The following TAFA4 variants were observed in gnomAD, a reference collection of about 807,000 sequenced individuals.
TAFA4 encodes the protein chemokine-like protein TAFA-4.
In TAFA4, 20 loss-of-function variants were observed where a neutral mutation model predicts 21.1. The observed-to-expected ratio is 0.95, with a 90% CI of 0.67 to 1.38. The LOEUF (loss-of-function observed/expected upper bound fraction) is 1.38, where lower values mean the gene tolerates loss of function less well. Among genes scored for constraint, TAFA4 ranks in the 40% most tolerant of loss-of-function variants. The pLI is 0.00. For missense variants in TAFA4, 211 were observed against 180.9 expected, an observed-to-expected ratio of 1.17 and a Z score of -0.95; for synonymous variants, 71 against 67.4, an observed-to-expected ratio of 1.05 and a Z score of -0.26.
At chr3:68,892,553 CTG>C (rs1334084936) in intron 1 of TAFA4, among the ~76,000 whole-genome samples, 1 of 152,160 alleles carries the variant, frequency 6.6e-6, no homozygotes, top group Admixed American at 6.5e-5. Context: ...TGTAACAAAA[CTG>C]TACATATGCC....
In TAFA4 at chr3:68,885,279, C is replaced by G; in HGVS notation, c.-91G>C. On this transcript the variant is annotated 5_prime_UTR_variant, in exon 2 of 6. Coordinates refer to ENST00000295569, the MANE Select transcript of TAFA4 (RefSeq NM_182522.5). ...CTGTTGCTAGAACCAATCATTTCTG[C>G]CGTTCCAAAAAATTATCGTAGCTCA... 1 of 1,306,426 alleles carries G rather than the reference C, an allele frequency of 7.7e-7. No homozygotes were observed. The highest frequency in any genetic ancestry group is 1.1e-6 in the Non-Finnish European group (1 of 936,864). 80.9% of individuals were successfully genotyped at this position (1,306,426 alleles called of 1,614,324 possible).
intron 3 of TAFA4, among the ~76,000 whole-genome samples, chr3:68,796,221 G>A (rs182286032): frequency 3.9e-5 from 6 of 152,214 alleles, no homozygotes; most frequent in African/African-American, 1.4e-4. Context: ...ATATAACAAT[G>A]ATTAGGAAAT....
At chr3:68,841,596 T>C (rs1704667310) in intron 3 of TAFA4, among the ~76,000 whole-genome samples, 1 of 151,996 alleles carries the variant, frequency 6.6e-6, no homozygotes, top group Non-Finnish European at 1.5e-5. Flanking sequence ...CTGGGATGCA[T>C]GTGCGATCTG....
At chr3:68,820,860 T>C (rs1329897644) in intron 3 of TAFA4, among the ~76,000 whole-genome samples, 1 of 152,118 alleles carries the variant, frequency 6.6e-6, no homozygotes, top group East Asian at 1.9e-4. Context: ...ATTATTAAAG[T>C]CTCATGTTAT....
At position 68,810,880 on chromosome 3, in the gene TAFA4, T is replaced by G. The variant is rs552207093; in HGVS notation, c.131-57862A>C. Among the ~76,000 whole-genome samples, 4 of 152,304 alleles carry G rather than the reference T, an allele frequency of 2.6e-5. No individual in the cohort carries two copies. In the East Asian group the frequency reaches 7.8e-4, roughly 30 times the overall value. On this transcript the variant is annotated intron_variant, in intron 3 of 5. Coordinates refer to ENST00000295569, the MANE Select transcript of TAFA4 (RefSeq NM_182522.5). ...AGAACGGACAGACTGCAACCTCAAG[T>G]GGGTCCCTAATCCCCGAGTAGCCTA... is the stretch of plus-strand genomic sequence containing the variant.
intron 3 of TAFA4, among the ~76,000 whole-genome samples, chr3:68,785,172 G>C (rs575031234): frequency 1.7e-4 from 26 of 152,228 alleles, no homozygotes; most frequent in African/African-American, 5.5e-4. Flanking sequence ...ACAGAGTGCC[G>C]ATTGATGTAT....
intron 3 of TAFA4, among the ~76,000 whole-genome samples, chr3:68,770,171 T>C (rs1702926568): frequency 6.6e-6 from 1 of 152,266 alleles, no homozygotes; most frequent in South Asian, 2.1e-4. Flanking sequence ...GGTTCATTTT[T>C]GTTTTCTGTT....
intron 3 of TAFA4, among the ~76,000 whole-genome samples, chr3:68,763,869 T>TACACAC (rs147436920): frequency 4.1e-4 from 60 of 147,348 alleles, no homozygotes; most frequent in African/African-American, 6.5e-4. Flanking sequence ...TATGACAGAC[T>TACACAC]ACACACACAC....
At chr3:68,780,328 G>A (rs1040903857) in intron 3 of TAFA4, among the ~76,000 whole-genome samples, 6 of 152,198 alleles carry the variant, frequency 3.9e-5, no homozygotes, top group African/African-American at 1.4e-4. Flanking sequence ...GGGAAGGCAT[G>A]ATTGGTTTTG....
chr3:68,762,617 C>T lies in TAFA4; in HGVS notation c.131-9599G>A, dbSNP rs568685693. ...TTCATCAGAATAAAGTATGCCTTGC[C>T]CACATAAAACTAGTCCCCACTCAAC... On this transcript the variant is annotated intron_variant, in intron 3 of 5. Transcript: ENST00000295569. Among the ~76,000 whole-genome samples the T allele has an allele frequency of 2.0e-5, 3 of 152,214 alleles. No individual in the cohort carries two copies. The South Asian group carries it at 6.2e-4, about 32-fold the overall frequency.
chr3:68,913,184 C>T (rs1240700505), intron 1 of TAFA4, among the ~76,000 whole-genome samples: 1 of 152,212 alleles, frequency 6.6e-6, no homozygotes, highest in East Asian at 1.9e-4. Flanking sequence ...ATGAAAACTT[C>T]CTGTGTCAAA....
chr3:68,735,253 G>C (rs1037535537), intron 5 of TAFA4, among the ~76,000 whole-genome samples: 11 of 152,100 alleles, frequency 7.2e-5, no homozygotes, highest in Non-Finnish European at 1.0e-4. Flanking sequence ...TACAATGATT[G>C]GCAGTGAAGG....
intron 3 of TAFA4, among the ~76,000 whole-genome samples, chr3:68,817,722 G>A (rs2106856726): frequency 6.6e-6 from 1 of 152,090 alleles, no homozygotes; most frequent in East Asian, 1.9e-4. Context: ...GGGTGACCAG[G>A]GGCATTGTCA....
chr3:68,814,025 T>G (rs1238345429), intron 3 of TAFA4, among the ~76,000 whole-genome samples: 2 of 152,200 alleles, frequency 1.3e-5, no homozygotes, highest in Non-Finnish European at 2.9e-5. Flanking sequence ...CGCAAATCAA[T>G]AAATGTAATC....
At chr3:68,766,895 AATTTT>A in intron 3 of TAFA4, among the ~76,000 whole-genome samples, 1 of 152,266 alleles carries the variant, frequency 6.6e-6, no homozygotes, top group African/African-American at 2.4e-5. Context: ...CAAATAAAAC[AATTTT>A]ATTATACTTA....
intron 3 of TAFA4, among the ~76,000 whole-genome samples, chr3:68,835,204 T>C (rs1559537718): frequency 1.3e-5 from 2 of 152,146 alleles, no homozygotes; most frequent in African/African-American, 4.8e-5. Flanking sequence ...GGTGACCTTA[T>C]TTGAAATAGC....
intron 5 of TAFA4, among the ~76,000 whole-genome samples, chr3:68,734,362 A>C (rs1346229881): frequency 6.6e-6 from 1 of 152,130 alleles, no homozygotes. Flanking sequence ...GGTAAAATTA[A>C]TAATATGGGC....
rs1553641308 is a variant in TAFA4 at position 68,783,750 on chromosome 3, A to AAAGAAAGT, written c.131-30733_131-30732insACTTTCTT. On this transcript the variant is annotated intron_variant, in intron 3 of 5. Coordinates refer to ENST00000295569, the MANE Select transcript of TAFA4 (RefSeq NM_182522.5). Reference sequence around the variant, plus strand: ...GAAAGAAAGAAAGAAAGAAAGTAAGAAAGAAAGAAACAAAAACAAAGAAAC... The same window carrying AAAGAAAGT: ...GAAAGAAAGAAAGAAAGAAAGTAAGAAAGAAAGTAAGAAAGAAACAAAAACAAAGAAAC... Among the ~76,000 whole-genome samples the AAAGAAAGT allele has an allele frequency of 2.1e-3, 304 of 146,176 alleles. 1 individual carries two copies. The highest frequency in any genetic ancestry group is 4.4e-3 in the East Asian group (21 of 4,744).
chr3:68,837,025 T>TTGAGTAAA (rs1359057270), intron 3 of TAFA4, among the ~76,000 whole-genome samples: 2 of 152,216 alleles, frequency 1.3e-5, no homozygotes, highest in East Asian at 3.9e-4. Context: ...GGCCATTTGT[T>TTGAGTAAA]TGAGTAAATA....
Sources: gnomAD v4.1 joint callset for allele counts (sites outside exome capture counted in the v4.1 genomes callset) on GRCh38, gnomAD v4.1.1 for gene constraint, MANE v1.5 for transcripts, NCBI Gene and HGNC (gene_info 2026-07-23, HGNC 2026-07-21) for gene names.